DNM3: variants seen among roughly 807,000 people sequenced by gnomAD.
DNM3 encodes the protein dynamin-3.
DNM3 carries 47 observed loss-of-function variants against 101.6 expected under a neutral mutation model. That is an observed-to-expected ratio of 0.46 (90% CI 0.37 to 0.59). DNM3 has a LOEUF of 0.59. Among genes scored for constraint, DNM3 ranks in the 20% least tolerant of loss-of-function variants. The pLI is 0.00. For synonymous variants in DNM3, 385 were observed against 387.9 expected, an observed-to-expected ratio of 0.99 and a Z score of 0.09; for missense variants, 849 against 1,085.7, an observed-to-expected ratio of 0.78 and a Z score of 3.06.
intron 17 of DNM3, 141 bp downstream of exon 17, chr1:172,323,481 T>G (rs1557996035): frequency 1.0e-6 from 1 of 992,902 alleles, no homozygotes; most frequent in Non-Finnish European, 1.4e-6. Flanking sequence ...TGTGCAAATT[T>G]GGGGGAAAAT....
At chr1:172,253,527 CTCCTCTCCT>C in intron 14 of DNM3, 37 bp from the exon 15 acceptor site, 5 of 1,187,188 alleles carry the variant, frequency 4.2e-6, no homozygotes, top group Non-Finnish European at 2.3e-6. Flanking sequence ...CTCCTCTCCT[CTCCTCTCCT>C]CTCCTCTCCC....
intron 13 of DNM3, among the ~76,000 whole-genome samples, chr1:172,107,067 A>G (rs1165492523): frequency 6.7e-6 from 1 of 149,516 alleles, no homozygotes; most frequent in Non-Finnish European, 1.5e-5. Context: ...TCACCTTGTT[A>G]GCCAGGATGG....
chr1:172,080,300 T>G (rs1202305568), intron 11 of DNM3, among the ~76,000 whole-genome samples: 1 of 152,190 alleles, frequency 6.6e-6, no homozygotes, highest in Non-Finnish European at 1.5e-5. Flanking sequence ...GGCTGCTGCC[T>G]TTCTTTCAGA....
chr1:172,309,324 G>A (rs1467552400), intron 16 of DNM3: 2 of 152,622 alleles, frequency 1.3e-5, no homozygotes, highest in Non-Finnish European at 2.9e-5. Context: ...ATCCTCATGA[G>A]TGTGAAAGAA....
chr1:172,071,115 A>T (rs907782509), intron 11 of DNM3, among the ~76,000 whole-genome samples: 4 of 136,402 alleles, frequency 2.9e-5, no homozygotes, highest in Non-Finnish European at 4.6e-5. Context: ...ATATATATAT[A>T]TATATCTTAG....
chr1:172,148,187 G>T (rs746916356), intron 14 of DNM3, among the ~76,000 whole-genome samples: 1 of 151,862 alleles, frequency 6.6e-6, no homozygotes, highest in Non-Finnish European at 1.5e-5. Flanking sequence ...TATCTGCTGC[G>T]CTTTCACAGT....
At chr1:172,131,100 T>TCTTA in intron 13 of DNM3, 75 bp from the exon 14 acceptor site, 3 of 1,275,570 alleles carry the variant, frequency 2.4e-6, no homozygotes, top group Non-Finnish European at 3.4e-6. Flanking sequence ...GTTTTTAACT[T>TCTTA]CTTAGTCCAA....
At chr1:172,268,145 C>G (rs1392386421) in intron 15 of DNM3, among the ~76,000 whole-genome samples, 1 of 152,116 alleles carries the variant, frequency 6.6e-6, no homozygotes, top group Non-Finnish European at 1.5e-5. Flanking sequence ...GACTTGAGGA[C>G]TCTTACAGTT....
Position 172,411,563 on chromosome 1 carries a change from A to T in DNM3, c.*3722A>T. 1 of 984,250 alleles carries T rather than the reference A, an allele frequency of 1.0e-6. No individual in the cohort carries two copies. Among genetic ancestry groups the T allele is most frequent in the Non-Finnish European group, 1.2e-6 (1 of 829,046 alleles). 61.0% of individuals were successfully genotyped at this position (984,250 alleles called of 1,614,324 possible). ...TAAAAAAAAAAAAAAAGGACATAGC[A>T]ACATTAAAGTAGTGGATTTTTCTGA... On this transcript the variant is annotated 3_prime_UTR_variant, in exon 21 of 21. Transcript: ENST00000627582.
intron 15 of DNM3, among the ~76,000 whole-genome samples, chr1:172,294,722 A>G (rs1416032335): frequency 1.3e-5 from 2 of 152,072 alleles, no homozygotes; most frequent in Non-Finnish European, 1.5e-5. Context: ...AGACCAGCCT[A>G]GACAATCTGG....
intron 17 of DNM3, among the ~76,000 whole-genome samples, chr1:172,355,400 C>G (rs189420342): frequency 1.3e-5 from 2 of 152,018 alleles, no homozygotes; most frequent in Admixed American, 1.3e-4. Context: ...TTTAAAATAG[C>G]CAAATAGAAC....
chr1:172,082,786 A>G lies in DNM3; in HGVS notation c.1493+884A>G, dbSNP rs375261050. 2.0e-5 allele frequency among the ~76,000 whole-genome samples: 3 copies of G among 152,382 alleles called. No individual in the cohort carries two copies. The East Asian group carries it at 5.8e-4, about 29-fold the overall frequency. ...GCAGACCCTGTGACCTAAACTAAAC[A>G]GTGGCCTGAGGAATTTACAGGCATG... is the stretch of plus-strand genomic sequence containing the variant. On this transcript the variant is annotated intron_variant, in intron 12 of 20. Coordinates refer to ENST00000627582, the MANE Select transcript of DNM3 (RefSeq NM_015569.5).
chr1:172,121,031 A>T (rs1420822104), intron 13 of DNM3, among the ~76,000 whole-genome samples: 1 of 152,120 alleles, frequency 6.6e-6, no homozygotes, highest in Non-Finnish European at 1.5e-5. Flanking sequence ...TCCACATTTT[A>T]TTCAGGCCTT....
intron 14 of DNM3, among the ~76,000 whole-genome samples, chr1:172,152,868 T>G (rs751258560): frequency 9.9e-5 from 15 of 152,182 alleles, no homozygotes; most frequent in Non-Finnish European, 1.9e-4. Flanking sequence ...CATAACTGTG[T>G]AAGATAACTT....
At chr1:172,243,853 T>C (rs2061839146) in intron 14 of DNM3, among the ~76,000 whole-genome samples, 1 of 152,160 alleles carries the variant, frequency 6.6e-6, no homozygotes, top group South Asian at 2.1e-4. Context: ...TACATCTCTA[T>C]AGTTATAACT....
At chr1:172,344,140 G>A (rs561350382) in intron 17 of DNM3, among the ~76,000 whole-genome samples, 3 of 152,146 alleles carry the variant, frequency 2.0e-5, no homozygotes, top group Admixed American at 6.5e-5. Context: ...TCAACAGCCC[G>A]GCCAGGCAAG....
At chr1:172,371,010 A>C (rs1462394011) in intron 17 of DNM3, among the ~76,000 whole-genome samples, 2 of 152,028 alleles carry the variant, frequency 1.3e-5, no homozygotes, top group Admixed American at 6.6e-5. Flanking sequence ...GGTTTGACAC[A>C]CTACTGAATC....
At chr1:172,391,042 C>G (rs745508186) in intron 20 of DNM3, among the ~76,000 whole-genome samples, 56 of 152,142 alleles carry the variant, frequency 3.7e-4, no homozygotes, top group Non-Finnish European at 1.3e-4. Context: ...CCAGCTCGCA[C>G]GAACAAGGCA....
intron 14 of DNM3, among the ~76,000 whole-genome samples, chr1:172,213,788 A>G (rs938018673): frequency 5.9e-5 from 9 of 151,784 alleles, no homozygotes; most frequent in Admixed American, 3.3e-4. Flanking sequence ...AGATCATGTC[A>G]CTGCACTCCA....
Sources: gnomAD v4.1 joint callset for allele counts (sites outside exome capture counted in the v4.1 genomes callset) on GRCh38, gnomAD v4.1.1 for gene constraint, MANE v1.5 for transcripts, NCBI Gene and HGNC (gene_info 2026-07-23, HGNC 2026-07-21) for gene names.